GALNTL6: variants seen among roughly 807,000 people sequenced by gnomAD.
GALNTL6 encodes the protein polypeptide N-acetylgalactosaminyltransferase-like 6.
In GALNTL6, 46 loss-of-function variants were observed where a neutral mutation model predicts 73.7. The observed-to-expected ratio is 0.62, with a 90% CI of 0.49 to 0.80. The LOEUF is 0.80. GALNTL6 is among the 30% of genes least tolerant of loss of function. The pLI is 0.00. For synonymous variants in GALNTL6, 259 were observed against 263.7 expected (o/e 0.98, Z 0.17); for missense variants, 604 against 755.0 (o/e 0.80, Z 2.34).
chr4:172,305,798 A>G (rs1353614217), intron 3 of GALNTL6, among the ~76,000 whole-genome samples: 3 of 152,216 alleles, frequency 2.0e-5, no homozygotes, highest in South Asian at 4.1e-4. Flanking sequence ...AATGTCTAGT[A>G]TGCCATAATT....
chr4:172,314,047 G>A (rs1740459901), intron 4 of GALNTL6, among the ~76,000 whole-genome samples: 1 of 152,166 alleles, frequency 6.6e-6, no homozygotes, highest in African/African-American at 2.4e-5. Context: ...CTTCATCTGT[G>A]CTTCACCAAA....
intron 5 of GALNTL6, among the ~76,000 whole-genome samples, chr4:172,454,996 A>G (rs1732338213): frequency 6.6e-6 from 1 of 152,120 alleles, no homozygotes; most frequent in Non-Finnish European, 1.5e-5. Flanking sequence ...TGATTTCTGC[A>G]TTTCCAGCTG....
chr4:172,107,045 G>A (rs1000545329), intron 2 of GALNTL6, among the ~76,000 whole-genome samples: 1 of 152,184 alleles, frequency 6.6e-6, no homozygotes, highest in Non-Finnish European at 1.5e-5. Flanking sequence ...GGATAATTTT[G>A]TATTTTTAGT....
intron 8 of GALNTL6, among the ~76,000 whole-genome samples, chr4:172,918,549 C>A (rs1479369428): frequency 2.6e-5 from 4 of 152,146 alleles, no homozygotes; most frequent in Admixed American, 6.5e-5. Flanking sequence ...CCCCAACACA[C>A]ACATTCACAG....
At chr4:172,910,106 ATATAG>A (rs551384625) in intron 8 of GALNTL6, among the ~76,000 whole-genome samples, 3 of 152,086 alleles carry the variant, frequency 2.0e-5, no homozygotes, top group Non-Finnish European at 2.9e-5. Flanking sequence ...TATAAAACAT[ATATAG>A]TATATGTGAA....
intron 2 of GALNTL6, among the ~76,000 whole-genome samples, chr4:172,205,505 T>A (rs1443965059): frequency 6.6e-6 from 1 of 152,206 alleles, no homozygotes; most frequent in African/African-American, 2.4e-5. Flanking sequence ...AATGACATCT[T>A]GGTAATCTAC....
At chr4:172,619,968 A>C (rs1213561142) in intron 5 of GALNTL6, among the ~76,000 whole-genome samples, 1 of 152,176 alleles carries the variant, frequency 6.6e-6, no homozygotes, top group Non-Finnish European at 1.5e-5. Flanking sequence ...GGCATATCTG[A>C]GCTGTAGTTG....
intron 2 of GALNTL6, among the ~76,000 whole-genome samples, chr4:171,889,881 G>A (rs1014140604): frequency 2.0e-5 from 3 of 151,958 alleles, no homozygotes; most frequent in Admixed American, 1.3e-4. Flanking sequence ...ACTCACATAC[G>A]GTATGTTTTG....
chr4:172,567,545 CT>C (rs1199776013), intron 5 of GALNTL6, among the ~76,000 whole-genome samples: 7 of 152,274 alleles, frequency 4.6e-5, no homozygotes, highest in Admixed American at 1.3e-4. Context: ...GTCATAAATA[CT>C]TCTTGTTGGC....
chr4:172,280,352 G>T (rs1738999834), intron 3 of GALNTL6, among the ~76,000 whole-genome samples: 1 of 152,084 alleles, frequency 6.6e-6, no homozygotes, highest in South Asian at 2.1e-4. Context: ...ACATTCACAA[G>T]GTGGGCCTTA....
At chr4:172,476,507 A>C (rs74647848) in intron 5 of GALNTL6, among the ~76,000 whole-genome samples, 30 of 152,326 alleles carry the variant, frequency 2.0e-4, no homozygotes, top group Non-Finnish European at 3.2e-4. Context: ...AGCCGTCTAC[A>C]TTTGAGAGAA....
At chr4:172,406,449 T>C (rs571399080) in intron 5 of GALNTL6, among the ~76,000 whole-genome samples, 1 of 152,150 alleles carries the variant, frequency 6.6e-6, no homozygotes, top group Non-Finnish European at 1.5e-5. Flanking sequence ...ATAAATGATG[T>C]TTGTATATAC....
At chr4:172,893,753 T>G in intron 8 of GALNTL6, among the ~76,000 whole-genome samples, 1 of 152,160 alleles carries the variant, frequency 6.6e-6, no homozygotes, top group Non-Finnish European at 1.5e-5. Context: ...ATGGTCACAT[T>G]TTGTTGCAGC....
intron 2 of GALNTL6, among the ~76,000 whole-genome samples, chr4:171,979,462 C>CGGTTG (rs1739825147): frequency 6.6e-6 from 1 of 152,128 alleles, no homozygotes; most frequent in African/African-American, 2.4e-5. Flanking sequence ...TGGACAAAAA[C>CGGTTG]AACAATTAGG....
rs1338699514 is a variant in GALNTL6 at position 171,878,623 on chromosome 4, AT to A, written c.138+63912del. Among the ~76,000 whole-genome samples the A allele has an allele frequency of 4.6e-5, 7 of 152,090 alleles. 1 individual carries two copies. The East Asian group carries it at 9.7e-4, about 21-fold the overall frequency. ...CAAGACATCTTTAAAATATAAAAGC[AT>A]TTTTTTATTGCTTATGTCTCTAGTT... On this transcript the variant is annotated intron_variant, in intron 2 of 12. Coordinates refer to ENST00000506823, the MANE Select transcript of GALNTL6 (RefSeq NM_001034845.3).
At chr4:172,570,035 G>C (rs565880819) in intron 5 of GALNTL6, among the ~76,000 whole-genome samples, 1 of 152,282 alleles carries the variant, frequency 6.6e-6, no homozygotes, top group South Asian at 2.1e-4. Context: ...GTGATAATTT[G>C]GAGTTCATTG....
intron 2 of GALNTL6, among the ~76,000 whole-genome samples, chr4:171,866,293 T>C (rs1206113174): frequency 6.6e-6 from 1 of 152,156 alleles, no homozygotes; most frequent in Non-Finnish European, 1.5e-5. Flanking sequence ...TATTTTTCTT[T>C]AATTTTTAAA....
intron 2 of GALNTL6, among the ~76,000 whole-genome samples, chr4:172,022,639 A>G (rs1741441659): frequency 6.6e-6 from 1 of 151,808 alleles, no homozygotes; most frequent in Non-Finnish European, 1.5e-5. Flanking sequence ...ATTCACCCTT[A>G]GATCTCATGA....
At chr4:172,015,907 C>A (rs1741176597) in intron 2 of GALNTL6, among the ~76,000 whole-genome samples, 1 of 139,158 alleles carries the variant, frequency 7.2e-6, no homozygotes, top group Non-Finnish European at 1.5e-5. Flanking sequence ...GAGAAATCAG[C>A]TGATAATCTA....
Sources: allele counts gnomAD v4.1 joint callset (sites outside exome capture counted in the v4.1 genomes callset), GRCh38; gene constraint gnomAD v4.1.1; transcripts MANE v1.5; gene names NCBI Gene and HGNC (gene_info 2026-07-23, HGNC 2026-07-21).